Variants in SIPA1L3 observed in about 807,000 individuals in gnomAD.
SIPA1L3 encodes signal-induced proliferation-associated 1-like protein 3.
SIPA1L3 carries 59 observed loss-of-function variants against 150.1 expected under a neutral mutation model. The observed-to-expected ratio is 0.39, with a 90% confidence interval of 0.32 to 0.49. The LOEUF (loss-of-function observed/expected upper bound fraction) is 0.49, where lower values mean the gene tolerates loss of function less well. Among genes scored for constraint, SIPA1L3 ranks in the 20% least tolerant of loss-of-function variants. The probability of loss-of-function intolerance (pLI) is 0.86; values close to 1 mark genes in which losing one functional copy is unlikely to be tolerated. For missense variants in SIPA1L3, 2,211 were observed against 2,489.5 expected, an observed-to-expected ratio of 0.89 and a Z score of 2.38; for synonymous variants, 1,070 against 1,077.6, an observed-to-expected ratio of 0.99 and a Z score of 0.14.
chr19:38,063,081 G>A (rs1273997981), intron 2 of SIPA1L3, among the ~76,000 whole-genome samples: 1 of 152,202 alleles, frequency 6.6e-6, no homozygotes, highest in African/African-American at 2.4e-5. Flanking sequence ...AGAAGCTTCA[G>A]TGCAATGGTT....
At chr19:38,153,552 C>A (rs1971874770) in intron 13 of SIPA1L3, among the ~76,000 whole-genome samples, 1 of 151,746 alleles carries the variant, frequency 6.6e-6, no homozygotes, top group African/African-American at 2.4e-5. Flanking sequence ...TACCTGTAAT[C>A]CCGGCTACTT....
At chr19:38,154,222 G>T (rs549040714) in intron 13 of SIPA1L3, among the ~76,000 whole-genome samples, 1 of 152,168 alleles carries the variant, frequency 6.6e-6, no homozygotes, top group Non-Finnish European at 1.5e-5. Context: ...ACATGGTATC[G>T]CAGTATCTGA....
intron 1 of SIPA1L3, among the ~76,000 whole-genome samples, chr19:37,942,426 G>T (rs1402715619): frequency 6.6e-6 from 1 of 151,104 alleles, no homozygotes; most frequent in Non-Finnish European, 1.5e-5. Flanking sequence ...TGCCAGCCTT[G>T]TGAAAGATCA....
At chr19:38,036,323 C>G (rs1968785004) in intron 2 of SIPA1L3, among the ~76,000 whole-genome samples, 1 of 152,258 alleles carries the variant, frequency 6.6e-6, no homozygotes, top group Admixed American at 6.5e-5. Context: ...GCTGGTTCAG[C>G]TTCCTCTGGC....
rs1462793031 is a variant in SIPA1L3 at position 38,164,863 on chromosome 19, A to G, written c.4165A>G (p.Thr1389Ala). 4 of 1,579,366 alleles carry G rather than the reference A, an allele frequency of 2.5e-6. No individual in the cohort carries two copies. Among genetic ancestry groups the G allele is most frequent in the Non-Finnish European group, 3.4e-6 (4 of 1,159,616 alleles). The change falls in exon 15 of 22, where the codon ACG becomes GCG. Residue 1389 changes from threonine to alanine, a missense_variant. Transcript: ENST00000222345. This position sits in a 1 kb window ranked among gnomAD's most constrained non-coding sequence, Gnocchi z 4.1. The stretch of plus-strand genomic sequence containing the variant: ...GTACTCCTCCGGCTCCAGCACCCCC[A>G]CGGGACTGGCGGGGGGCAGCCGAGA... The part of the protein sequence containing the change: ...KLYSSGSSTP[T>A]GLAGGSRDPP...
chr19:38,096,820 A>C (rs952347959), intron 4 of SIPA1L3, among the ~76,000 whole-genome samples: 1 of 152,168 alleles, frequency 6.6e-6, no homozygotes, highest in East Asian at 1.9e-4. Context: ...GAAGATTAGC[A>C]TGCCTGGTGA....
At chr19:38,184,171 C>G (rs1972625350) in intron 16 of SIPA1L3, among the ~76,000 whole-genome samples, 1 of 151,934 alleles carries the variant, frequency 6.6e-6, no homozygotes, top group African/African-American at 2.4e-5. Flanking sequence ...GACCTGTCCT[C>G]CCCCCACCCC....
At chr19:38,025,133 C>T (rs1968475143) in intron 1 of SIPA1L3, among the ~76,000 whole-genome samples, 1 of 152,196 alleles carries the variant, frequency 6.6e-6, no homozygotes. Context: ...ATGTCCAGGG[C>T]CCACTCTGAT....
intron 10 of SIPA1L3, among the ~76,000 whole-genome samples, chr19:38,134,966 A>G (rs1432967618): frequency 1.3e-5 from 2 of 152,178 alleles, no homozygotes; most frequent in Non-Finnish European, 2.9e-5. Context: ...TGAGTGCCAT[A>G]TTCACATATG....
At chr19:38,055,258 A>C (rs758824779) in intron 2 of SIPA1L3, among the ~76,000 whole-genome samples, 8 of 152,100 alleles carry the variant, frequency 5.3e-5, no homozygotes, top group Non-Finnish European at 1.2e-4. Flanking sequence ...AAGAAAAGGG[A>C]GGGAGGGCAG....
At chr19:37,908,939 T>G (rs1410901526) in intron 1 of SIPA1L3, among the ~76,000 whole-genome samples, 1 of 152,156 alleles carries the variant, frequency 6.6e-6, no homozygotes. Flanking sequence ...GAGCCTGTGC[T>G]TCTTTGATGC....
At chr19:37,925,134 T>G (rs2046491475) in intron 1 of SIPA1L3, among the ~76,000 whole-genome samples, 1 of 152,114 alleles carries the variant, frequency 6.6e-6, no homozygotes, top group South Asian at 2.1e-4. Flanking sequence ...GTAGGTTTAT[T>G]TACACCAACA....
intron 1 of SIPA1L3, among the ~76,000 whole-genome samples, chr19:37,979,495 T>G (rs1474026598): frequency 6.6e-6 from 1 of 151,190 alleles, no homozygotes; most frequent in African/African-American, 2.4e-5. Flanking sequence ...AGGCGGAGGT[T>G]GCAGTGAGCC....
chr19:38,022,779 TC>T (rs1599917384), intron 1 of SIPA1L3, among the ~76,000 whole-genome samples: 3 of 152,060 alleles, frequency 2.0e-5, no homozygotes, highest in African/African-American at 7.2e-5. Flanking sequence ...TGTAGTAAAA[TC>T]ACAACGAAAA....
rs78686793 is a variant in SIPA1L3, at chr19:38,152,899, C to G, written c.3593C>G (p.Thr1198Arg). ...GATCCCCACTTCAGCCACGATGGGACGTCCAGCGGCGACTCCTCTTCCGGC... is the reference window on the plus strand; with the variant it reads ...GATCCCCACTTCAGCCACGATGGGAGGTCCAGCGGCGACTCCTCTTCCGGC... ...SLDPHFSHDG[T>R]SSGDSSSGGL... Residue 1198 changes from threonine (T) to arginine (R), a missense_variant, in exon 13 of 22, where the codon ACG (threonine) becomes AGG (arginine). By Grantham distance (71) the Thr-to-Arg change is moderately conservative. Coordinates refer to ENST00000222345, the MANE Select transcript of SIPA1L3 (RefSeq NM_015073.3). 2.5e-6 allele frequency: 4 copies of G among 1,613,730 alleles called. No homozygotes were observed. The highest frequency in any genetic ancestry group is 4.5e-5 in the East Asian group (2 of 44,874).
At chr19:38,025,358 GGTCATC>G (rs148780434) in intron 1 of SIPA1L3, among the ~76,000 whole-genome samples, 20,427 of 152,176 alleles carry the variant, frequency 0.13, 1,393 homozygotes, top group South Asian at 0.21. Context: ...GCAAACTGAA[GGTCATC>G]GTCCCTTCCC....
intron 1 of SIPA1L3, among the ~76,000 whole-genome samples, chr19:37,915,635 G>A (rs541535514): frequency 1.3e-5 from 2 of 152,238 alleles, no homozygotes; most frequent in East Asian, 3.9e-4. Flanking sequence ...GACGGCCTCA[G>A]CCTCCCAAAG....
intron 12 of SIPA1L3, among the ~76,000 whole-genome samples, chr19:38,143,238 G>A (rs1971631824): frequency 6.6e-6 from 1 of 152,106 alleles, no homozygotes; most frequent in African/African-American, 2.4e-5. Context: ...GGCTCCGGCT[G>A]AGCTTATTCC....
Position 38,074,760 on chromosome 19 carries a change from G to A in SIPA1L3, c.-310-6496G>A, listed in dbSNP as rs138886124. On this transcript the variant is annotated intron_variant, in intron 2 of 21. Transcript: ENST00000222345. ...ATTGTGTGTGTGTATGTGGTGTTTT[G>A]TTGTTGTTGTTGTTTGATTTTTGAG... Among the ~76,000 whole-genome samples, 655 of 152,264 alleles carry A rather than the reference G, an allele frequency of 4.3e-3. 1 individual carries two copies. Among genetic ancestry groups the A allele is most frequent in the African/African-American group, 0.015 (625 of 41,560 alleles).
Sources: allele counts gnomAD v4.1 joint callset (sites outside exome capture counted in the v4.1 genomes callset), GRCh38; gene constraint gnomAD v4.1.1; non-coding constraint Gnocchi (gnomAD v3.1); transcripts MANE v1.5; gene names NCBI Gene and HGNC (gene_info 2026-07-23, HGNC 2026-07-21).